SAMD4A: variants seen among roughly 807,000 people sequenced by gnomAD.
SAMD4A encodes the protein sterile alpha motif domain containing 4A.
SAMD4A carries 33 observed loss-of-function variants against 81.3 expected under a neutral mutation model. The ratio of observed to expected loss-of-function variants is 0.41; its 90% CI spans 0.31 to 0.54. The LOEUF (loss-of-function observed/expected upper bound fraction) is 0.54. Ranked by LOEUF, SAMD4A falls within the 20% of genes least tolerant of loss-of-function variation. The probability of loss-of-function intolerance (pLI) is 0.37; values close to 1 mark genes in which losing one functional copy is unlikely to be tolerated. For synonymous variants in SAMD4A, 389 were observed against 382.1 expected (o/e 1.02, Z -0.21); for missense variants, 854 against 951.1 (o/e 0.90, Z 1.34).
At chr14:54,679,853 T>C (rs2036087408) in intron 2 of SAMD4A, among the ~76,000 whole-genome samples, 1 of 152,202 alleles carries the variant, frequency 6.6e-6, no homozygotes, top group Admixed American at 6.5e-5. Context: ...ATCAAATCCA[T>C]TTCAGAATGT....
chr14:54,694,657 G>A, intron 2 of SAMD4A: 1 of 985,510 alleles, frequency 1.0e-6, no homozygotes, highest in Non-Finnish European at 1.2e-6. Context: ...CAGGTGGCTG[G>A]GGGAGCTGGC....
At chr14:54,571,481 C>A (rs547534059) in intron 2 of SAMD4A, among the ~76,000 whole-genome samples, 15 of 152,200 alleles carry the variant, frequency 9.9e-5, no homozygotes, top group African/African-American at 3.4e-4. Flanking sequence ...CTGAAGTTTC[C>A]AAAAGAAAAA....
chr14:54,786,324 C>T (rs759646705), intron 12 of SAMD4A, among the ~76,000 whole-genome samples: 3 of 152,090 alleles, frequency 2.0e-5, no homozygotes, highest in Non-Finnish European at 4.4e-5. Flanking sequence ...TGAGTGGTTG[C>T]CAGTGGCTGA....
chr14:54,692,967 G>A (rs1469191440), intron 2 of SAMD4A: 1 of 150,576 alleles, frequency 6.6e-6, no homozygotes, highest in Non-Finnish European at 1.5e-5. Context: ...TGCAAGAGTT[G>A]TATTAAATAT....
At position 54,568,126 on chromosome 14, in the gene SAMD4A, G is replaced by A. The variant is rs2032995805; in HGVS notation, c.196+14G>A. ...CCAACAGCCCCGGTAAGTGTGCGGC[G>A]GCCGCCGCCGCCGTCCCGCCTGCCC... is the stretch of plus-strand genomic sequence containing the variant. On this transcript the variant is annotated intron_variant, in intron 2 of 12. Transcript: ENST00000554335. 6 of 1,463,190 alleles carry A rather than the reference G, an allele frequency of 4.1e-6. No homozygotes were observed. The highest frequency in any genetic ancestry group is 1.5e-5 in the African/African-American group (1 of 67,840). The allele number at this position is 1,463,190 out of a possible 1,614,324, so 90.6% of individuals were successfully genotyped here.
At chr14:54,769,465 A>C (rs886079645) in intron 8 of SAMD4A, among the ~76,000 whole-genome samples, 3 of 152,202 alleles carry the variant, frequency 2.0e-5, no homozygotes, top group African/African-American at 7.2e-5. Flanking sequence ...CAGCAGGCAA[A>C]ACACACACAC....
At chr14:54,724,279 A>G (rs938775367) in intron 3 of SAMD4A, among the ~76,000 whole-genome samples, 2 of 152,208 alleles carry the variant, frequency 1.3e-5, no homozygotes, top group Non-Finnish European at 2.9e-5. Context: ...CTAAGAACAC[A>G]GGCTTGCAAG....
rs1283567369 is a variant in SAMD4A, at chr14:54,790,818, ATTTTC to A, written c.*1879_*1883del. The A allele has an allele frequency of 6.6e-6, 1 of 151,684 alleles. No individual in the cohort carries two copies. The highest frequency in any genetic ancestry group is 2.4e-5 in the African/African-American group (1 of 41,224). 9.4% of individuals were successfully genotyped at this position (151,684 alleles called of 1,614,324 possible). A position where few individuals can be genotyped will look rare whatever the true frequency, so the allele number is the denominator to read the frequency against. On this transcript the variant is annotated 3_prime_UTR_variant, in exon 13 of 13. Transcript: ENST00000554335. ...AAAAGGCCTTAATGAAATCCGAACA[ATTTTC>A]TTTTACTTTCAAGATCAAAAACATG...
intron 9 of SAMD4A, among the ~76,000 whole-genome samples, chr14:54,773,981 G>A (rs1422190798): frequency 6.6e-6 from 1 of 152,192 alleles, no homozygotes; most frequent in Non-Finnish European, 1.5e-5. Flanking sequence ...ACAATGATAG[G>A]ATTAAAGAAG....
intron 2 of SAMD4A, among the ~76,000 whole-genome samples, chr14:54,595,491 G>C (rs66466453): frequency 6.7e-6 from 1 of 149,554 alleles, no homozygotes; most frequent in Non-Finnish European, 1.5e-5. Context: ...ATGATTAAAC[G>C]AACTAAAAAA....
chr14:54,751,897 A>G (rs2038111119), intron 6 of SAMD4A, among the ~76,000 whole-genome samples: 1 of 152,196 alleles, frequency 6.6e-6, no homozygotes, highest in Non-Finnish European at 1.5e-5. Flanking sequence ...AATCTTGGCA[A>G]AACAGGGCAG....
At chr14:54,619,804 T>C (rs552200111) in intron 2 of SAMD4A, among the ~76,000 whole-genome samples, 1 of 152,350 alleles carries the variant, frequency 6.6e-6, no homozygotes, top group Admixed American at 6.5e-5. Flanking sequence ...TCCATGTTCC[T>C]GCGAAGGACA....
intron 2 of SAMD4A, among the ~76,000 whole-genome samples, chr14:54,663,542 C>CT (rs879888558): frequency 4.6e-5 from 7 of 152,056 alleles, no homozygotes; most frequent in African/African-American, 1.7e-4. Flanking sequence ...AGCTTGACTA[C>CT]TTTTTTTTCT....
At chr14:54,662,496 A>T (rs1566572195) in intron 2 of SAMD4A, among the ~76,000 whole-genome samples, 1 of 146,530 alleles carries the variant, frequency 6.8e-6, no homozygotes, top group Non-Finnish European at 1.5e-5. Flanking sequence ...TGCAACCTCC[A>T]CCTCCCAGGT....
intron 3 of SAMD4A, 27 bp downstream of exon 3, chr14:54,702,607 T>C (rs375151205): frequency 8.1e-6 from 13 of 1,608,490 alleles, no homozygotes; most frequent in Non-Finnish European, 1.1e-5. Context: ...CCCTTTAACG[T>C]AGTCTGGTTT....
intron 2 of SAMD4A, among the ~76,000 whole-genome samples, chr14:54,572,190 A>T (rs982624955): frequency 6.6e-6 from 1 of 152,172 alleles, no homozygotes; most frequent in Non-Finnish European, 1.5e-5. Flanking sequence ...GACTAATATA[A>T]TATCATAGGT....
At chr14:54,590,143 G>A (rs1178250075) in intron 2 of SAMD4A, among the ~76,000 whole-genome samples, 1 of 152,188 alleles carries the variant, frequency 6.6e-6, no homozygotes, top group Non-Finnish European at 1.5e-5. Flanking sequence ...TTGCATGCTT[G>A]TGATGTGTCT....
intron 3 of SAMD4A, among the ~76,000 whole-genome samples, chr14:54,726,410 C>T (rs974819228): frequency 1.3e-5 from 2 of 152,054 alleles, no homozygotes; most frequent in Non-Finnish European, 2.9e-5. Flanking sequence ...AGCTAAAGAA[C>T]CTGAACAGAA....
chr14:54,578,226 G>A (rs1000043985), intron 2 of SAMD4A, among the ~76,000 whole-genome samples: 6 of 152,168 alleles, frequency 3.9e-5, no homozygotes, highest in Non-Finnish European at 7.3e-5. Flanking sequence ...GGAATTTAGT[G>A]TCTATTTGCT....
Sources: allele counts gnomAD v4.1 joint callset (sites outside exome capture counted in the v4.1 genomes callset), GRCh38; gene constraint gnomAD v4.1.1; transcripts MANE v1.5; gene names NCBI Gene and HGNC (gene_info 2026-07-23, HGNC 2026-07-21).